PADI6: variants seen among roughly 807,000 people sequenced by gnomAD.
The protein encoded by PADI6 is inactive protein-arginine deiminase type-6.
In PADI6, 66 loss-of-function variants were observed where a neutral mutation model predicts 78.2. The ratio of observed to expected loss-of-function variants is 0.84; its 90% confidence interval spans 0.69 to 1.04. The LOEUF is 1.04. Ranked by LOEUF, PADI6 falls within the 50% of genes least tolerant of loss-of-function variation. The pLI is 0.00. For synonymous variants in PADI6, 397 were observed against 346.9 expected (o/e 1.14, Z -1.60); for missense variants, 854 against 866.1 (o/e 0.99, Z 0.18).
rs756413175 is a variant in PADI6, at chr1:17,401,334, A to G, written c.1981A>G (p.Ile661Val). 47 of 1,613,962 alleles carry G rather than the reference A, an allele frequency of 2.9e-5. No homozygotes were observed. Among genetic ancestry groups the G allele is most frequent in the Admixed American group, 6.7e-5 (4 of 60,016 alleles). The change falls in exon 16 of 16, where the codon ATC (isoleucine) becomes GTC (valine). Residue 661 changes from isoleucine to valine, a missense_variant. Coordinates refer to ENST00000619609, the MANE Select transcript of PADI6 (RefSeq NM_207421.4). ...GCCCCTGGGCTTCAAGTGCACCTTC[A>G]TCAATGACTTTGACTGTTACCTGAC... is the stretch of plus-strand genomic sequence containing the variant. ...LEPLGFKCTF[I>V]NDFDCYLTEV...
intron 14 of PADI6, 108 bp downstream of exon 14, chr1:17,397,249 G>GGCA: frequency 8.3e-7 from 1 of 1,199,840 alleles, no homozygotes; most frequent in Non-Finnish European, 1.2e-6. Flanking sequence ...GGGCGGCGGG[G>GGCA]GGCAGCTGCC....
Position 17,398,749 on chromosome 1 carries a change from A to G in PADI6, c.1753A>G (p.Ile585Val). 1 of 1,591,426 alleles carries G rather than the reference A, an allele frequency of 6.3e-7. No homozygotes were observed. The highest frequency in any genetic ancestry group is 8.6e-7 in the Non-Finnish European group (1 of 1,168,246). The change falls in exon 15 of 16, where the codon ATC (isoleucine) becomes GTC (valine). Residue 585 changes from isoleucine (I) to valine (V), a missense_variant. By Grantham distance (29) the Ile-to-Val change is conservative. Coordinates refer to ENST00000619609, the MANE Select transcript of PADI6 (RefSeq NM_207421.4). ...TELGLVEQDI[I>V]EIPQLFCLEK... ...GCTGGGCCTGGTGGAACAGGACATC[A>G]TCGAGATTCCCCAGCTGTTCTGCTT...
chr1:17,397,631 C>CG (rs2075259584), intron 14 of PADI6, among the ~76,000 whole-genome samples: 3 of 152,108 alleles, frequency 2.0e-5, no homozygotes, highest in South Asian at 4.1e-4. Context: ...ATGGCCCAAG[C>CG]ATTTTGCGAG....
At chr1:17,401,095 G>C (rs2100332154) in intron 15 of PADI6, 110 bp from the exon 16 acceptor site, 1 of 921,862 alleles carries the variant, frequency 1.1e-6, no homozygotes, top group Middle Eastern at 2.8e-4. Flanking sequence ...ACCTGGAGGA[G>C]GCGGCTGCCT....
At chr1:17,386,511 C>T (rs34852297) in intron 6 of PADI6, among the ~76,000 whole-genome samples, 2,039 of 152,284 alleles carry the variant, frequency 0.013, 33 homozygotes, top group African/African-American at 0.024. Context: ...GGCTGCATGC[C>T]GTGGGCCTGC....
chr1:17,399,384 A>AG (rs1180365502), intron 15 of PADI6, among the ~76,000 whole-genome samples: 1 of 152,136 alleles, frequency 6.6e-6, no homozygotes, highest in Non-Finnish European at 1.5e-5. Context: ...GGATCACCTG[A>AG]GGTCAGGAGT....
chr1:17,398,457 G>A (rs2075267731), intron 14 of PADI6, among the ~76,000 whole-genome samples: 1 of 152,152 alleles, frequency 6.6e-6, no homozygotes, highest in Non-Finnish European at 1.5e-5. Flanking sequence ...ATGGGATCCT[G>A]GACTAAAGAC....
intron 3 of PADI6, among the ~76,000 whole-genome samples, chr1:17,376,402 C>A (rs999437277): frequency 6.6e-6 from 1 of 151,142 alleles, no homozygotes; most frequent in Non-Finnish European, 1.5e-5. Flanking sequence ...CAGGTTCACA[C>A]CATTCTCCTG....
Position 17,401,445 on chromosome 1 carries a change from G to A in PADI6, c.*7G>A. ...GTGGAAGATGGTACCTTAGACCCAG[G>A]CCCTGGAGCTGCCAGCTCTGCCCCA... is the stretch of plus-strand genomic sequence containing the variant. On this transcript the variant is annotated 3_prime_UTR_variant, in exon 16 of 16. Coordinates refer to ENST00000619609, the MANE Select transcript of PADI6 (RefSeq NM_207421.4). The A allele has an allele frequency of 6.2e-7, 1 of 1,611,642 alleles. No individual in the cohort carries two copies. Among genetic ancestry groups the A allele is most frequent in the Non-Finnish European group, 8.5e-7 (1 of 1,178,210 alleles).
chr1:17,394,403 G>A lies in PADI6; in HGVS notation c.1286G>A (p.Gly429Glu). The change falls in exon 11 of 16, where the codon GGG becomes GAG. Residue 429 changes from glycine to glutamate, a missense_variant. Gly to Glu is a moderately conservative substitution (Grantham distance 98). Coordinates refer to ENST00000619609, the MANE Select transcript of PADI6 (RefSeq NM_207421.4). ...GTGTCCCCACCTGTCAAGGTCCAAG[G>A]GAAAGAGTACCCGCTGGGCAGAGTC... ...LMVSPPVKVQ[G>E]KEYPLGRVLI... 6.2e-7 allele frequency: 1 copy of A among 1,613,760 alleles called. No individual in the cohort carries two copies. Among genetic ancestry groups the A allele is most frequent in the Non-Finnish European group, 8.5e-7 (1 of 1,179,826 alleles).
chr1:17,399,627 G>A (rs986493640), intron 15 of PADI6, among the ~76,000 whole-genome samples: 4 of 151,374 alleles, frequency 2.6e-5, no homozygotes, highest in African/African-American at 9.7e-5. Flanking sequence ...GGTCGTGGTG[G>A]CTCACCTGTA....
In PADI6 at chr1:17,372,363, T is replaced by C. The variant is rs1182975531; in HGVS notation, c.116+2T>C. The C allele has an allele frequency of 2.5e-6, 4 of 1,613,542 alleles. No homozygotes were observed. Among genetic ancestry groups the C allele is most frequent in the Admixed American group, 1.7e-5 (1 of 60,002 alleles). ...AGAAATCTGCTTGGATCTCAGCGGG[T>C]GAGATGCTGGGAGCTCTGCCAGAGG... On this transcript the variant is annotated splice_donor_variant, in intron 1 of 15. Coordinates refer to ENST00000619609, the MANE Select transcript of PADI6 (RefSeq NM_207421.4). LOFTEE classifies it high-confidence loss of function.
intron 6 of PADI6, among the ~76,000 whole-genome samples, chr1:17,387,181 C>T (rs867405847): frequency 3.9e-5 from 6 of 152,120 alleles, no homozygotes; most frequent in African/African-American, 1.2e-4. Flanking sequence ...CAGTGGCTCA[C>T]GACTGTAATC....
At chr1:17,394,485 AAAGG>A in intron 11 of PADI6, 31 bp downstream of exon 11, 2 of 1,604,894 alleles carry the variant, frequency 1.2e-6, no homozygotes, top group Non-Finnish European at 1.7e-6. Flanking sequence ...CCTCCAAATG[AAAGG>A]AAGGGACCAT....
intron 12 of PADI6, 77 bp from the exon 13 acceptor site, chr1:17,395,463 A>G (rs1034295919): frequency 1.1e-5 from 16 of 1,505,326 alleles, no homozygotes; most frequent in Middle Eastern, 2.4e-4. Context: ...CTCGGCCTCC[A>G]AAGTGCTGGG....
rs199828844 is a variant in PADI6 at position 17,381,973 on chromosome 1, C to G, written c.560C>G (p.Thr187Arg). Residue 187 changes from threonine (T) to arginine (R), a missense_variant, in exon 6 of 16, where the codon ACG (threonine) becomes AGG (arginine). Thr to Arg is a moderately conservative substitution (Grantham distance 71, BLOSUM62 -1). Transcript: ENST00000619609. The part of the protein sequence containing the change: ...TKKVIFSEEI[T>R]NLSQMTLNVQ... Reference sequence around the variant, plus strand: ...TGCTTTGTCTTTTGCCCAGAAATAACGAATCTGTCCCAGATGACTCTGAAT... The same window carrying G: ...TGCTTTGTCTTTTGCCCAGAAATAAGGAATCTGTCCCAGATGACTCTGAAT... 64 of 1,613,790 alleles carry G rather than the reference C, an allele frequency of 4.0e-5. No homozygotes were observed. The African/African-American group carries it at 7.2e-4, about 18-fold the overall frequency.
chr1:17,398,652 CCG>C (rs770443900), intron 14 of PADI6, 32 bp from the exon 15 acceptor site: 1 of 110,492 alleles, frequency 9.1e-6, no homozygotes, highest in South Asian at 1.4e-4. Context: ...CCTTGCTCCC[CCG>C]CCCCCCCCCC....
chr1:17,398,654 G>GCCCCCCC, intron 14 of PADI6, 32 bp from the exon 15 acceptor site: 8 of 173,478 alleles, frequency 4.6e-5, no homozygotes, highest in South Asian at 2.0e-4. Flanking sequence ...TTGCTCCCCC[G>GCCCCCCC]CCCCCCCCCC....
chr1:17,392,336 G>A (rs2075194994), intron 9 of PADI6, 111 bp downstream of exon 9: 3 of 773,870 alleles, frequency 3.9e-6, no homozygotes, highest in South Asian at 3.5e-5. Flanking sequence ...CCGAAGCCTT[G>A]ATAGGGGCGG....
Sources: allele counts gnomAD v4.1 joint callset (sites outside exome capture counted in the v4.1 genomes callset), GRCh38; gene constraint gnomAD v4.1.1; transcripts MANE v1.5; gene names NCBI Gene and HGNC (gene_info 2026-07-23, HGNC 2026-07-21).